SAMD5: variants seen among roughly 807,000 people sequenced by gnomAD.
SAMD5 encodes the protein sterile alpha motif domain containing 5.
SAMD5 carries 13 observed loss-of-function variants against 11.3 expected under a neutral mutation model. That is an observed-to-expected ratio of 1.15 (90% confidence interval 0.75 to 1.83). SAMD5 has a LOEUF of 1.83. Among genes scored for constraint, SAMD5 ranks in the 40% most tolerant of loss-of-function variants. The pLI is 0.00. For synonymous variants in SAMD5, 129 were observed against 111.3 expected (o/e 1.16, Z -1.00); for missense variants, 255 against 239.1 (o/e 1.07, Z -0.44).
the SAMD5 span, among the ~76,000 whole-genome samples, chr6:147,931,834 A>G: frequency 6.6e-6 from 1 of 152,228 alleles, no homozygotes; most frequent in Non-Finnish European, 1.5e-5. Flanking sequence ...CTTTGGTTTC[A>G]TAGAAATTTG....
At chr6:147,703,692 G>A (rs926974808) in intron 1 of SAMD5, among the ~76,000 whole-genome samples, 2 of 152,098 alleles carry the variant, frequency 1.3e-5, no homozygotes, top group Admixed American at 1.3e-4. Context: ...CCAAGACAAT[G>A]TTTTGAGTGG....
intron 1 of SAMD5, among the ~76,000 whole-genome samples, chr6:147,536,910 T>A (rs1027967993): frequency 2.0e-5 from 3 of 152,168 alleles, no homozygotes; most frequent in African/African-American, 7.2e-5. Context: ...AAGTTATTTA[T>A]CAGAAACCCA....
chr6:147,816,280 C>CA, the SAMD5 span, among the ~76,000 whole-genome samples: 7 of 12,710 alleles, frequency 5.5e-4, no homozygotes, highest in Non-Finnish European at 8.3e-4. Context: ...AACTCCGTCT[C>CA]CAAAAAAAAA....
intron 1 of SAMD5, chr6:147,676,228 T>C (rs1790860929): frequency 6.6e-6 from 1 of 152,174 alleles, no homozygotes. Context: ...TTTTGGAAAC[T>C]GGCAGTACAA....
chr6:147,669,102 T>C (rs1273396753), intron 1 of SAMD5, among the ~76,000 whole-genome samples: 1 of 152,142 alleles, frequency 6.6e-6, no homozygotes, highest in Non-Finnish European at 1.5e-5. Context: ...CAATGAAATT[T>C]GCCACATCAA....
intron 1 of SAMD5, among the ~76,000 whole-genome samples, chr6:147,596,340 T>C (rs553032483): frequency 6.6e-6 from 1 of 152,348 alleles, no homozygotes; most frequent in South Asian, 2.1e-4. Flanking sequence ...TCTTATAAAA[T>C]ATTCTCAAGC....
chr6:147,706,035 T>C (rs999634638), intron 1 of SAMD5, among the ~76,000 whole-genome samples: 2 of 152,152 alleles, frequency 1.3e-5, no homozygotes, highest in South Asian at 2.1e-4. Context: ...TTATGTATCA[T>C]ATTCCTTTAC....
chr6:147,568,645 C>A lies in SAMD5; in HGVS notation c.*4189C>A. 1.0e-6 allele frequency: 1 copy of A among 985,332 alleles called. No individual in the cohort carries two copies. Among genetic ancestry groups the A allele is most frequent in the African/African-American group, 1.7e-5 (1 of 57,354 alleles). The allele number at this position is 985,332 out of a possible 1,614,324, so 61.0% of individuals were successfully genotyped here. A position where few individuals can be genotyped will look rare whatever the true frequency, so the allele number is the denominator to read the frequency against. On this transcript the variant is annotated 3_prime_UTR_variant, in exon 2 of 2. Transcript: ENST00000367474. ...AGCCATATAGATGCACACATAGTGA[C>A]TTTATTAAATCAAATGAGTTGTGCA... is the stretch of plus-strand genomic sequence containing the variant.
chr6:147,779,854 A>G, the SAMD5 span, among the ~76,000 whole-genome samples: 1 of 152,256 alleles, frequency 6.6e-6, no homozygotes, highest in Non-Finnish European at 1.5e-5. Flanking sequence ...TGTTAGTAGC[A>G]AAAGGAATAT....
rs564337353 is a variant in SAMD5 at position 147,565,912 on chromosome 6, C to T, written c.*1456C>T. 2.5e-4 allele frequency: 242 copies of T among 985,284 alleles called. 1 individual carries two copies. In the Middle Eastern group the frequency reaches 6.8e-3, roughly 28 times the overall value. The allele number at this position is 985,284 out of a possible 1,614,324, so 61.0% of individuals were successfully genotyped here. A position where few individuals can be genotyped will look rare whatever the true frequency, so the allele number is the denominator to read the frequency against. On this transcript the variant is annotated 3_prime_UTR_variant, in exon 2 of 2. Coordinates refer to ENST00000367474, the MANE Select transcript of SAMD5 (RefSeq NM_001030060.3). ...AGAGCTCCCAAGTAGTACTGCATTA[C>T]GGAATCTACTACTTAGAAGAATGTA...
chr6:147,576,524 G>C (rs950765658), intron 1 of SAMD5, among the ~76,000 whole-genome samples: 1 of 152,076 alleles, frequency 6.6e-6, no homozygotes, highest in East Asian at 1.9e-4. Flanking sequence ...CAGTGGAAAG[G>C]GGGTGGGGCT....
At chr6:147,636,073 A>G (rs1352374563) in intron 1 of SAMD5, among the ~76,000 whole-genome samples, 4 of 151,596 alleles carry the variant, frequency 2.6e-5, no homozygotes, top group Non-Finnish European at 4.4e-5. Flanking sequence ...GGTGTTGGAC[A>G]TATAAAGACA....
the SAMD5 span, among the ~76,000 whole-genome samples, chr6:147,811,206 G>C: frequency 6.6e-6 from 1 of 152,154 alleles, no homozygotes; most frequent in Non-Finnish European, 1.5e-5. Flanking sequence ...GTACCAGAGA[G>C]TTCATGGAGG....
At chr6:147,943,527 C>T in the SAMD5 span, among the ~76,000 whole-genome samples, 1 of 152,048 alleles carries the variant, frequency 6.6e-6, no homozygotes, top group Admixed American at 6.6e-5. Flanking sequence ...TCCTCCTCCT[C>T]CTCCTCCTAG....
chr6:147,843,016 C>T, the SAMD5 span, among the ~76,000 whole-genome samples: 1 of 152,104 alleles, frequency 6.6e-6, no homozygotes, highest in Non-Finnish European at 1.5e-5. Context: ...CCTGCCACCA[C>T]GCCTAGCTAA....
At chr6:147,924,175 C>G in the SAMD5 span, among the ~76,000 whole-genome samples, 1 of 152,126 alleles carries the variant, frequency 6.6e-6, no homozygotes, top group Non-Finnish European at 1.5e-5. Context: ...AAAGAGTTTG[C>G]TCACTCAGCC....
chr6:147,916,240 T>G, the SAMD5 span, among the ~76,000 whole-genome samples: 2 of 152,162 alleles, frequency 1.3e-5, no homozygotes, highest in African/African-American at 4.8e-5. Flanking sequence ...TATAGCAGCA[T>G]GATTTATAAT....
At chr6:147,629,011 C>T (rs9497831) in intron 1 of SAMD5, among the ~76,000 whole-genome samples, 1 of 152,058 alleles carries the variant, frequency 6.6e-6, no homozygotes, top group Non-Finnish European at 1.5e-5. Flanking sequence ...TGAACCTAGG[C>T]TGGGCGCAGT....
the SAMD5 span, among the ~76,000 whole-genome samples, chr6:147,774,489 T>A: frequency 6.6e-6 from 1 of 152,190 alleles, no homozygotes; most frequent in Non-Finnish European, 1.5e-5. Flanking sequence ...TATCCTCCCA[T>A]ATATTTTAAA....
Sources: gnomAD v4.1 joint callset for allele counts (sites outside exome capture counted in the v4.1 genomes callset) on GRCh38, gnomAD v4.1.1 for gene constraint, MANE v1.5 for transcripts, NCBI Gene and HGNC (gene_info 2026-07-23, HGNC 2026-07-21) for gene names.